Variants in CUL9 observed in about 807,000 individuals in gnomAD.
CUL9 encodes cullin-9.
Under a neutral mutation model 272.6 loss-of-function variants are expected in CUL9, and 79 were observed. The observed-to-expected ratio is 0.29, with a 90% CI of 0.24 to 0.35. The LOEUF (loss-of-function observed/expected upper bound fraction) is 0.35, where lower values mean the gene tolerates loss of function less well. CUL9 is among the 10% of genes least tolerant of loss of function. CUL9 has a pLI of 1.00. For synonymous variants in CUL9, 1,186 were observed against 1,286.5 expected, an observed-to-expected ratio of 0.92 and a Z score of 1.67; for missense variants, 2,532 against 3,255.6, an observed-to-expected ratio of 0.78 and a Z score of 5.41.
Position 43,223,234 on chromosome 6 carries a change from A to T in CUL9, c.7151-30A>T, listed in dbSNP as rs1733487466. On this transcript the variant is annotated intron_variant, in intron 38 of 40. Transcript: ENST00000252050. The surrounding 1 kb of genome is among the most constrained non-coding windows in gnomAD (Gnocchi z 4.1). ...AAGGAATGGATGAGAATGAGAAGGG[A>T]GGGAGCCTCTGTGCCTGCCCCCTCT... The T allele has an allele frequency of 1.3e-6, 2 of 1,572,966 alleles. No homozygotes were observed. The highest frequency in any genetic ancestry group is 1.7e-6 in the Non-Finnish European group (2 of 1,155,362).
At position 43,187,824 on chromosome 6, in the gene CUL9, A is replaced by G; in HGVS notation, c.1693A>G (p.Asn565Asp). The G allele has an allele frequency of 6.2e-7, 1 of 1,604,752 alleles. No homozygotes were observed. Among genetic ancestry groups the G allele is most frequent in the South Asian group, 1.1e-5 (1 of 90,912 alleles). ...GGGCAGCACTCTCAATGACCTGCTC[A>G]ACTCCCAGATCTACACCAAGTATGG... ...FEGSTLNDLL[N>D]SQIYTKYGLL... Residue 565 changes from asparagine (N) to aspartate (D), a missense_variant, in exon 7 of 41, where the codon AAC (asparagine) becomes GAC (aspartate). Physicochemically the swap from Asn to Asp is conservative, Grantham distance 23. This residue lies in a region of CUL9 where 2,218 missense variants were observed against 2,788.6 expected (regional missense o/e 0.80). Transcript: ENST00000252050.
intron 26 of CUL9, among the ~76,000 whole-genome samples, chr6:43,209,207 G>A (rs986190654): frequency 1.4e-5 from 2 of 146,936 alleles, no homozygotes; most frequent in Non-Finnish European, 3.0e-5. Context: ...GTGTAGTGGC[G>A]TGATCTCAGC....
Position 43,203,806 on chromosome 6 carries a change from T to A in CUL9, c.4026-48T>A, listed in dbSNP as rs767393673. 1 of 1,560,700 alleles carries A rather than the reference T, an allele frequency of 6.4e-7. No homozygotes were observed. The highest frequency in any genetic ancestry group is 8.7e-7 in the Non-Finnish European group (1 of 1,149,100). On this transcript the variant is annotated intron_variant, in intron 19 of 40. Coordinates refer to ENST00000252050, the MANE Select transcript of CUL9 (RefSeq NM_015089.4). This position sits in a 1 kb window ranked among gnomAD's most constrained non-coding sequence, Gnocchi z 5.0. ...TGATCTGCACTTGAATGGAGGCCTC[T>A]GGGAAATCGGTGCCATTAATCCTCC...
At chr6:43,187,553 G>A (rs537572417) in intron 6 of CUL9, 114 bp downstream of exon 6, 12 of 1,320,934 alleles carry the variant, frequency 9.1e-6, no homozygotes, top group Middle Eastern at 2.3e-4. Flanking sequence ...CTAGAGATTA[G>A]AGTTAGGAGG....
At position 43,188,057 on chromosome 6, in the gene CUL9, T is replaced by C; in HGVS notation, c.1926T>C (p.Phe642=). ...TPMAQSDSQL[F]NQLLVTEGMT... is the part of the protein sequence containing the mutation. ...TGGCACAGAGTGATTCTCAGCTGTT[T>C]AACCAGCTTCTGGTGACTGAGGGGA... The change falls in exon 7 of 41, where the codon TTT becomes TTC. Residue 642 remains phenylalanine (F), a synonymous_variant. Coordinates refer to ENST00000252050, the MANE Select transcript of CUL9 (RefSeq NM_015089.4). 1.2e-6 allele frequency: 2 copies of C among 1,613,544 alleles called. No individual in the cohort carries two copies. The highest frequency in any genetic ancestry group is 1.7e-6 in the Non-Finnish European group (2 of 1,179,982).
In CUL9 at chr6:43,206,742, GATTTTTA is replaced by G. The variant is rs1775076842; in HGVS notation, c.5212+233_5212+239del. Among the ~76,000 whole-genome samples the G allele has an allele frequency of 6.6e-6, 1 of 152,124 alleles. No individual in the cohort carries two copies. The highest frequency in any genetic ancestry group is 2.1e-4 in the South Asian group (1 of 4,834). On this transcript the variant is annotated intron_variant, in intron 26 of 40. Coordinates refer to ENST00000252050, the MANE Select transcript of CUL9 (RefSeq NM_015089.4). This position sits in a 1 kb window ranked among gnomAD's most constrained non-coding sequence, Gnocchi z 4.8. ...CTAACTTCAAGTGAGGTGCTTATTT[GATTTTTA>G]GTCTTTTCAGACTTTTTTCCAAATA...
Position 43,221,579 on chromosome 6 carries a change from A to C in CUL9, c.6753-106A>C. On this transcript the variant is annotated intron_variant, in intron 34 of 40. Coordinates refer to ENST00000252050, the MANE Select transcript of CUL9 (RefSeq NM_015089.4). The surrounding 1 kb of genome is among the most constrained non-coding windows in gnomAD (Gnocchi z 4.2). ...GTATGACTAAGGAGACTATCAGGGC[A>C]GGAGCAGAGGCCACAGCATCAACAG... 9.4e-7 allele frequency: 1 copy of C among 1,068,614 alleles called. No individual in the cohort carries two copies. The highest frequency in any genetic ancestry group is 2.1e-5 in the Admixed American group (1 of 47,378). 66.2% of individuals were successfully genotyped at this position (1,068,614 alleles called of 1,614,324 possible).
intron 4 of CUL9, 130 bp downstream of exon 4, chr6:43,186,585 G>T: frequency 1.5e-6 from 2 of 1,348,430 alleles, no homozygotes; most frequent in East Asian, 2.5e-5. Flanking sequence ...TGATACAAGG[G>T]GGTTGGCATT....
Position 43,224,536 on chromosome 6 carries a change from A to C in CUL9, c.*91A>C. The C allele has an allele frequency of 8.4e-7, 1 of 1,193,220 alleles. No homozygotes were observed. The highest frequency in any genetic ancestry group is 1.2e-6 in the Non-Finnish European group (1 of 853,188). 73.9% of individuals were successfully genotyped at this position (1,193,220 alleles called of 1,614,324 possible). A position where few individuals can be genotyped will look rare whatever the true frequency, so the allele number is the denominator to read the frequency against. On this transcript the variant is annotated 3_prime_UTR_variant, in exon 41 of 41. Transcript: ENST00000252050. This position sits in a 1 kb window ranked among gnomAD's most constrained non-coding sequence, Gnocchi z 4.2. ...CCCTGTCATAGGGAGGGGGATTCCC[A>C]GCGTCTGTAGTGCTTCCTGTTTGCT...
Position 43,221,459 on chromosome 6 carries a change from A to G in CUL9, c.6752+138A>G. 2 of 1,060,464 alleles carry G rather than the reference A, an allele frequency of 1.9e-6. No individual in the cohort carries two copies. Among genetic ancestry groups the G allele is most frequent in the Non-Finnish European group, 2.7e-6 (2 of 748,522 alleles). 65.7% of individuals were successfully genotyped at this position (1,060,464 alleles called of 1,614,324 possible). The stretch of plus-strand genomic sequence containing the variant: ...AGCCGCCCCTCACGTGGCAGCCTCC[A>G]CGGTGACTTCCTGGATCTTAATGTT... On this transcript the variant is annotated intron_variant, in intron 34 of 40. Transcript: ENST00000252050. This position sits in a 1 kb window ranked among gnomAD's most constrained non-coding sequence, Gnocchi z 4.2.
At chr6:43,210,571 T>C (rs1427915625) in intron 26 of CUL9, among the ~76,000 whole-genome samples, 1 of 152,256 alleles carries the variant, frequency 6.6e-6, no homozygotes, top group Non-Finnish European at 1.5e-5. Flanking sequence ...ATTCTAATTT[T>C]GTTAGAATTT....
intron 16 of CUL9, among the ~76,000 whole-genome samples, chr6:43,201,638 C>T (rs1774569615): frequency 6.6e-6 from 1 of 152,150 alleles, no homozygotes. Flanking sequence ...TGCCACCACG[C>T]CTGGCTAATT....
rs1772693188 is a variant in CUL9 at position 43,184,017 on chromosome 6, C to T, written c.-9-285C>T. On this transcript the variant is annotated intron_variant, in intron 1 of 40. Transcript: ENST00000252050. The surrounding 1 kb of genome is among the most constrained non-coding windows in gnomAD (Gnocchi z 4.8). ...CTGCCCACCTTGGCCTCCTAAAGTGCTGGGATTACAGGCGTGAGCCACTGG... is the reference window on the plus strand; with the variant it reads ...CTGCCCACCTTGGCCTCCTAAAGTGTTGGGATTACAGGCGTGAGCCACTGG... 6.6e-6 allele frequency among the ~76,000 whole-genome samples: 1 copy of T among 152,132 alleles called. No individual in the cohort carries two copies.
chr6:43,215,155 C>G lies in CUL9; in HGVS notation c.5765C>G (p.Thr1922Ser). 1.2e-6 allele frequency: 2 copies of G among 1,614,186 alleles called. No homozygotes were observed. Among genetic ancestry groups the G allele is most frequent in the Non-Finnish European group, 1.7e-6 (2 of 1,180,032 alleles). Residue 1922 changes from threonine to serine, a missense_variant, in exon 30 of 41, where the codon ACC (threonine) becomes AGC (serine). By Grantham distance (58) the Thr-to-Ser change is moderately conservative. Coordinates refer to ENST00000252050, the MANE Select transcript of CUL9 (RefSeq NM_015089.4). ...ACTGTTGCTGGGGGTGTGGCCTGTA[C>G]CAGTACAGATGTCCTCTCTTGCATC... ...GHTVAGGVAC[T>S]STDVLSCILH...
intron 29 of CUL9, among the ~76,000 whole-genome samples, chr6:43,214,733 A>C (rs1775790537): frequency 6.6e-6 from 1 of 151,848 alleles, no homozygotes; most frequent in African/African-American, 2.4e-5. Context: ...CCCAGGAGGC[A>C]GAGATTGCAG....
chr6:43,203,048 A>C lies in CUL9; in HGVS notation c.3754-61A>C. 6.3e-7 allele frequency: 1 copy of C among 1,586,506 alleles called. No individual in the cohort carries two copies. Among genetic ancestry groups the C allele is most frequent in the East Asian group, 2.2e-5 (1 of 44,758 alleles). On this transcript the variant is annotated intron_variant, in intron 17 of 40. Coordinates refer to ENST00000252050, the MANE Select transcript of CUL9 (RefSeq NM_015089.4). This position sits in a 1 kb window ranked among gnomAD's most constrained non-coding sequence, Gnocchi z 5.0. The stretch of plus-strand genomic sequence containing the variant: ...ATGACCGACTTGGTTACTGTCAACA[A>C]TTTTTCCAACCTTGTTTCTGGAGGT...
chr6:43,195,128 G>A (rs1366962001), intron 9 of CUL9, among the ~76,000 whole-genome samples: 1 of 152,194 alleles, frequency 6.6e-6, no homozygotes, highest in Non-Finnish European at 1.5e-5. Context: ...CAGCTAACTA[G>A]GGGAGGGTGG....
rs1774459617 is a variant in CUL9, at chr6:43,200,809, C to T, written c.3622C>T (p.His1208Tyr). Residue 1208 changes from histidine to tyrosine, a missense_variant, in exon 16 of 41, where the codon CAC becomes TAC. Physicochemically the swap from His to Tyr is moderately conservative, Grantham distance 83. Around this residue, in one of 3 missense-constraint regions of CUL9, gnomAD observed 2,218 missense variants for 2,788.6 expected, o/e 0.80. Coordinates refer to ENST00000252050, the MANE Select transcript of CUL9 (RefSeq NM_015089.4). This position sits in a 1 kb window ranked among gnomAD's most constrained non-coding sequence, Gnocchi z 4.0. ...GSTGSHYITL[H>Y]MHRGVLVRQL... ...CACCGGCTCCCACTACATCACCCTGCACATGCACCGTGGTGTTCTTGTTAG... is the reference window on the plus strand; with the variant it reads ...CACCGGCTCCCACTACATCACCCTGTACATGCACCGTGGTGTTCTTGTTAG... 1.9e-6 allele frequency: 3 copies of T among 1,614,254 alleles called. No individual in the cohort carries two copies. The highest frequency in any genetic ancestry group is 1.7e-5 in the Admixed American group (1 of 60,036).
In CUL9 at chr6:43,206,457, T is replaced by C; in HGVS notation, c.5159T>C (p.Leu1720Pro). 1 of 1,614,178 alleles carries C rather than the reference T, an allele frequency of 6.2e-7. No individual in the cohort carries two copies. Among genetic ancestry groups the C allele is most frequent in the Non-Finnish European group, 8.5e-7 (1 of 1,180,032 alleles). ...LCYLYHPRKCLPTEFCDALDR... is the reference protein window; with the variant it reads ...LCYLYHPRKCPPTEFCDALDR... ...TACCTGTACCATCCCAGAAAGTGCC[T>C]TCCCACAGAATTCTGTGATGCCCTT... Residue 1720 changes from leucine to proline, a missense_variant, in exon 26 of 41, where the codon CTT becomes CCT. Physicochemically the swap from Leu to Pro is moderately conservative, Grantham distance 98 (BLOSUM62 -3). Coordinates refer to ENST00000252050, the MANE Select transcript of CUL9 (RefSeq NM_015089.4). The surrounding 1 kb of genome is among the most constrained non-coding windows in gnomAD (Gnocchi z 4.8).
Sources: allele counts gnomAD v4.1 joint callset (sites outside exome capture counted in the v4.1 genomes callset), GRCh38; gene constraint gnomAD v4.1.1; regional missense constraint gnomAD v4.1.1; non-coding constraint Gnocchi (gnomAD v3.1); transcripts MANE v1.5; gene names NCBI Gene and HGNC (gene_info 2026-07-23, HGNC 2026-07-21).